The following ZNF462 variants were observed in gnomAD, a reference collection of about 807,000 sequenced individuals.
ZNF462 encodes the protein zinc finger PBX1-interacting protein.
Under a neutral mutation model 201.9 loss-of-function variants are expected in ZNF462, and 10 were observed. The observed-to-expected ratio is 0.05, with a 90% CI of 0.03 to 0.08. The LOEUF (loss-of-function observed/expected upper bound fraction) is 0.08. ZNF462 is among the 10% of genes least tolerant of loss of function. The pLI is 1.00. For synonymous variants in ZNF462, 1,227 were observed against 1,193.3 expected, an observed-to-expected ratio of 1.03 and a Z score of -0.58; for missense variants, 2,523 against 3,168.3, an observed-to-expected ratio of 0.80 and a Z score of 4.89.
At chr9:106,875,914 A>G (rs1263916269) in intron 1 of ZNF462, among the ~76,000 whole-genome samples, 2 of 152,234 alleles carry the variant, frequency 1.3e-5, no homozygotes. Flanking sequence ...GTATATATGT[A>G]TATGTATGTA....
chr9:106,964,183 T>C (rs1015694251), intron 7 of ZNF462, among the ~76,000 whole-genome samples: 3 of 152,018 alleles, frequency 2.0e-5, no homozygotes, highest in Non-Finnish European at 4.4e-5. Flanking sequence ...TGGATAAATA[T>C]CCAGTAGTGG....
chr9:106,896,490 A>T (rs10759207), intron 1 of ZNF462, among the ~76,000 whole-genome samples: 2 of 151,986 alleles, frequency 1.3e-5, no homozygotes, highest in Non-Finnish European at 2.9e-5. Flanking sequence ...TCTCGGTTGC[A>T]GGATGAGGTG....
intron 7 of ZNF462, among the ~76,000 whole-genome samples, chr9:106,959,056 G>A (rs1157334039): frequency 6.6e-6 from 1 of 152,132 alleles, no homozygotes; most frequent in Non-Finnish European, 1.5e-5. Context: ...GTTGATTTGT[G>A]ACCATTCCAT....
At chr9:106,996,781 T>C (rs1484197822) in intron 10 of ZNF462, among the ~76,000 whole-genome samples, 1 of 152,186 alleles carries the variant, frequency 6.6e-6, no homozygotes, top group African/African-American at 2.4e-5. Flanking sequence ...TATGGCAATA[T>C]TATGAAGTCT....
intron 1 of ZNF462, among the ~76,000 whole-genome samples, chr9:106,900,902 C>A (rs796366029): frequency 2.0e-5 from 3 of 151,962 alleles, no homozygotes; most frequent in African/African-American, 7.3e-5. Context: ...TAGGTCCCAG[C>A]GATTTATCTT....
At chr9:106,982,917 C>A (rs2132243666) in intron 9 of ZNF462, among the ~76,000 whole-genome samples, 1 of 152,064 alleles carries the variant, frequency 6.6e-6, no homozygotes, top group East Asian at 1.9e-4. Context: ...CGTACCGATG[C>A]CCTGGAAACA....
chr9:107,010,746 G>GT lies in ZNF462; in HGVS notation c.7314-72dup, dbSNP rs1829887642. Reference sequence around the variant, plus strand: ...ATCAGGAAAATAAAGACACTCGAGGGTTTTTATTATTTTTTTGTTTAAAAA... The same window carrying GT: ...ATCAGGAAAATAAAGACACTCGAGGGTTTTTTATTATTTTTTTGTTTAAAAA... On this transcript the variant is annotated intron_variant, in intron 12 of 12. Transcript: ENST00000277225. This position sits in a 1 kb window ranked among gnomAD's most constrained non-coding sequence, Gnocchi z 4.6. 2.2e-6 allele frequency: 3 copies of GT among 1,358,680 alleles called. 1 individual carries two copies. The South Asian group carries it at 4.5e-5, about 21-fold the overall frequency. 84.2% of individuals were successfully genotyped at this position (1,358,680 alleles called of 1,614,324 possible).
chr9:106,958,791 G>A (rs1831695611), intron 7 of ZNF462, among the ~76,000 whole-genome samples: 1 of 152,118 alleles, frequency 6.6e-6, no homozygotes, highest in Admixed American at 6.5e-5. Flanking sequence ...GGCAAGAAGT[G>A]CTATCAAGAG....
At chr9:106,980,533 C>T (rs1392718675) in intron 9 of ZNF462, among the ~76,000 whole-genome samples, 2 of 152,142 alleles carry the variant, frequency 1.3e-5, no homozygotes, top group African/African-American at 2.4e-5. Flanking sequence ...CAGAAGTGAA[C>T]CCTCTGTATT....
chr9:106,909,498 T>G (rs1829451809), intron 1 of ZNF462, among the ~76,000 whole-genome samples: 1 of 152,224 alleles, frequency 6.6e-6, no homozygotes, highest in African/African-American at 2.4e-5. Flanking sequence ...ATCTTGATTT[T>G]GAACCTTCCG....
chr9:106,926,990 T>C lies in ZNF462; in HGVS notation c.3078T>C (p.Thr1026=). ...CENQKDPLVN[T]VVVYDCDVCS... is the part of the protein sequence containing the mutation. The stretch of plus-strand genomic sequence containing the variant: ...ATCAGAAGGACCCTTTGGTCAACAC[T>C]GTTGTTGTTTATGATTGTGATGTTT... Residue 1026 remains threonine, a synonymous_variant, in exon 3 of 13, where the codon ACT becomes ACC. Coordinates refer to ENST00000277225, the MANE Select transcript of ZNF462 (RefSeq NM_021224.6). This position sits in a 1 kb window ranked among gnomAD's most constrained non-coding sequence, Gnocchi z 7.9. 1.2e-6 allele frequency: 2 copies of C among 1,614,162 alleles called. No homozygotes were observed. The highest frequency in any genetic ancestry group is 1.7e-5 in the Admixed American group (1 of 60,018).
At position 106,913,372 on chromosome 9, in the gene ZNF462, C is replaced by G. The variant is rs1430498263; in HGVS notation, c.-30-9982C>G. Among the ~76,000 whole-genome samples, 1 of 152,180 alleles carries G rather than the reference C, an allele frequency of 6.6e-6. No homozygotes were observed. The highest frequency in any genetic ancestry group is 1.5e-5 in the Non-Finnish European group (1 of 68,040). On this transcript the variant is annotated intron_variant, in intron 1 of 12. Coordinates refer to ENST00000277225, the MANE Select transcript of ZNF462 (RefSeq NM_021224.6). This position sits in a 1 kb window ranked among gnomAD's most constrained non-coding sequence, Gnocchi z 4.1. ...CACTGGTTAATTTTCTCCTGGAAAG[C>G]AGGCCTGCATACAGTTAGTACTCAT...
Position 106,928,822 on chromosome 9 carries a change from A to G in ZNF462, c.4910A>G (p.Glu1637Gly). 1 of 1,614,070 alleles carries G rather than the reference A, an allele frequency of 6.2e-7. No individual in the cohort carries two copies. Among genetic ancestry groups the G allele is most frequent in the South Asian group, 1.1e-5 (1 of 91,064 alleles). ...CCTTCCCAAGTCTCCATCACTGAGGAGGAGGTGGGAGAGGAGCCCGTGTCC... is the reference window on the plus strand; with the variant it reads ...CCTTCCCAAGTCTCCATCACTGAGGGGGAGGTGGGAGAGGAGCCCGTGTCC... Reference protein sequence around the residue: ...VSPSQVSITEEEVGEEPVSTS... With the variant: ...VSPSQVSITEGEVGEEPVSTS... The change falls in exon 3 of 13, where the codon GAG becomes GGG. Residue 1637 changes from glutamate to glycine, a missense_variant. Glu to Gly is a moderately conservative substitution (Grantham distance 98, BLOSUM62 -2). Coordinates refer to ENST00000277225, the MANE Select transcript of ZNF462 (RefSeq NM_021224.6). The surrounding 1 kb of genome is among the most constrained non-coding windows in gnomAD (Gnocchi z 9.3).
rs1056139021 is a variant in ZNF462 at position 106,950,149 on chromosome 9, C to A, written c.6427+11042C>A. 2.6e-5 allele frequency among the ~76,000 whole-genome samples: 4 copies of A among 152,214 alleles called. No homozygotes were observed. Among genetic ancestry groups the A allele is most frequent in the Non-Finnish European group, 2.9e-5 (2 of 68,036 alleles). On this transcript the variant is annotated intron_variant, in intron 7 of 12. Transcript: ENST00000277225. The surrounding 1 kb of genome is among the most constrained non-coding windows in gnomAD (Gnocchi z 4.1). Reference sequence around the variant, plus strand: ...CTGATGTTAGCCAGTCTTTCTGATTCTAACCTCCATCTTTTCCAATCTGTT... The same window carrying A: ...CTGATGTTAGCCAGTCTTTCTGATTATAACCTCCATCTTTTCCAATCTGTT...
intron 10 of ZNF462, among the ~76,000 whole-genome samples, chr9:106,985,083 C>T (rs892643929): frequency 6.6e-6 from 1 of 151,974 alleles, no homozygotes; most frequent in Non-Finnish European, 1.5e-5. Context: ...TGCACTGGAG[C>T]GTGGGCGACA....
Position 106,929,914 on chromosome 9 carries a change from A to T in ZNF462, c.5847+155A>T, listed in dbSNP as rs1438694504. On this transcript the variant is annotated intron_variant, in intron 3 of 12. Coordinates refer to ENST00000277225, the MANE Select transcript of ZNF462 (RefSeq NM_021224.6). The surrounding 1 kb of genome is among the most constrained non-coding windows in gnomAD (Gnocchi z 8.7). ...TCAATTAAACATTTCGAGCTTGATT[A>T]TCTCCCATTCTGTGCTCACCCCTCT... Among the ~76,000 whole-genome samples, 3 of 151,946 alleles carry T rather than the reference A, an allele frequency of 2.0e-5. No individual in the cohort carries two copies. The highest frequency in any genetic ancestry group is 4.4e-5 in the Non-Finnish European group (3 of 67,980).
chr9:106,871,168 AT>A (rs1827574315), intron 1 of ZNF462, among the ~76,000 whole-genome samples: 1 of 152,236 alleles, frequency 6.6e-6, no homozygotes, highest in Non-Finnish European at 1.5e-5. Context: ...TTACCTGCAG[AT>A]TAAGAAATGA....
chr9:106,921,828 G>A (rs1017856409), intron 1 of ZNF462, among the ~76,000 whole-genome samples: 1 of 152,168 alleles, frequency 6.6e-6, no homozygotes, highest in African/African-American at 2.4e-5. Flanking sequence ...CACAATTTGG[G>A]TTGGTGCTTA....
rs886893355 is a variant in ZNF462, at chr9:106,891,758, T to A, written c.-31+28403T>A. ...TTTATCTGAAGTAGCTTAGAGTATG[T>A]TTTCCTGGCTTTTTGTTCCCCCCTC... On this transcript the variant is annotated intron_variant, in intron 1 of 12. Coordinates refer to ENST00000277225, the MANE Select transcript of ZNF462 (RefSeq NM_021224.6). 1.6e-4 allele frequency among the ~76,000 whole-genome samples: 25 copies of A among 152,202 alleles called. 2 individuals are homozygous for A. Among genetic ancestry groups the A allele is most frequent in the Admixed American group, 2.0e-4 (3 of 15,290 alleles).
Sources: gnomAD v4.1 joint callset for allele counts (sites outside exome capture counted in the v4.1 genomes callset) on GRCh38, gnomAD v4.1.1 for gene constraint, Gnocchi (gnomAD v3.1) non-coding constraint, MANE v1.5 for transcripts, NCBI Gene and HGNC (gene_info 2026-07-23, HGNC 2026-07-21) for gene names.